ADAMTS2: variants seen among roughly 807,000 people sequenced by gnomAD.
ADAMTS2 encodes the protein A disintegrin and metalloproteinase with thrombospondin motifs 2.
Under a neutral mutation model 123.0 loss-of-function variants are expected in ADAMTS2, and 50 were observed. The ratio of observed to expected loss-of-function variants is 0.41; its 90% CI spans 0.32 to 0.51. ADAMTS2 has a LOEUF of 0.51. Ranked by LOEUF, ADAMTS2 falls within the 20% of genes least tolerant of loss-of-function variation. The pLI, the probability that ADAMTS2 is intolerant of heterozygous loss-of-function variation, is 0.35. For synonymous variants in ADAMTS2, 678 were observed against 695.4 expected (o/e 0.98, Z 0.39); for missense variants, 1,494 against 1,705.2 (o/e 0.88, Z 2.18).
At chr5:179,212,054 G>A (rs1314920983) in intron 3 of ADAMTS2, among the ~76,000 whole-genome samples, 1 of 152,218 alleles carries the variant, frequency 6.6e-6, no homozygotes, top group Non-Finnish European at 1.5e-5. Flanking sequence ...GAGCCCTTCT[G>A]TACTTCACCA....
intron 2 of ADAMTS2, among the ~76,000 whole-genome samples, chr5:179,319,722 C>G (rs1757103317): frequency 6.7e-6 from 1 of 150,000 alleles, no homozygotes; most frequent in Non-Finnish European, 1.5e-5. Flanking sequence ...AGAAGCCTCT[C>G]CCCTCTGTTG....
chr5:179,329,160 T>C (rs1035302083), intron 2 of ADAMTS2, among the ~76,000 whole-genome samples: 12 of 152,050 alleles, frequency 7.9e-5, no homozygotes, highest in South Asian at 4.2e-4. Context: ...ACCCCGTCTC[T>C]ACTAAAAATA....
chr5:179,148,845 G>A (rs574196977), intron 10 of ADAMTS2, among the ~76,000 whole-genome samples: 1 of 152,302 alleles, frequency 6.6e-6, no homozygotes, highest in African/African-American at 2.4e-5. Flanking sequence ...CCTCCCAGAC[G>A]GAGGGGGGTA....
At chr5:179,304,194 C>A (rs553329140) in intron 2 of ADAMTS2, among the ~76,000 whole-genome samples, 1 of 152,236 alleles carries the variant, frequency 6.6e-6, no homozygotes, top group African/African-American at 2.4e-5. Context: ...CCCAATTAAC[C>A]CAAGGGTTAA....
At chr5:179,338,615 C>T (rs944724431) in intron 2 of ADAMTS2, among the ~76,000 whole-genome samples, 10 of 152,272 alleles carry the variant, frequency 6.6e-5, no homozygotes, top group East Asian at 1.9e-4. Context: ...GCAGAGCAGG[C>T]GACTCAGGCC....
chr5:179,196,725 G>T (rs1764441114), intron 4 of ADAMTS2, among the ~76,000 whole-genome samples: 1 of 152,204 alleles, frequency 6.6e-6, no homozygotes, highest in Non-Finnish European at 1.5e-5. Flanking sequence ...CAGGCACTAA[G>T]CAAGTACATT....
At position 179,130,140 on chromosome 5, in the gene ADAMTS2, G is replaced by C. The variant is rs1410532622; in HGVS notation, c.2291-42C>G. ...CAAGTCCCCCGTTGTGGTCACCCAA[G>C]AGCAGGACCCAGGCCCACTGGTTTG... On this transcript the variant is annotated intron_variant, in intron 15 of 21. Coordinates refer to ENST00000251582, the MANE Select transcript of ADAMTS2 (RefSeq NM_014244.5). The surrounding 1 kb of genome is among the most constrained non-coding windows in gnomAD (Gnocchi z 4.3). 1.2e-6 allele frequency: 2 copies of C among 1,612,886 alleles called. No individual in the cohort carries two copies. The highest frequency in any genetic ancestry group is 3.3e-5 in the Admixed American group (2 of 59,964).
intron 4 of ADAMTS2, 34 bp downstream of exon 4, chr5:179,207,479 C>G: frequency 3.4e-6 from 3 of 873,214 alleles, no homozygotes; most frequent in Non-Finnish European, 5.7e-6. Flanking sequence ...TGACCCTCCC[C>G]GCCCCACCCT....
Position 179,132,636 on chromosome 5 carries a change from C to T in ADAMTS2, c.2209+141G>A, listed in dbSNP as rs576653538. On this transcript the variant is annotated intron_variant, in intron 14 of 21. Coordinates refer to ENST00000251582, the MANE Select transcript of ADAMTS2 (RefSeq NM_014244.5). This position sits in a 1 kb window ranked among gnomAD's most constrained non-coding sequence, Gnocchi z 6.1. Reference sequence around the variant, plus strand: ...TCCCCGACTTAGGATTCTCCCTCCCCCTCAGTGTCACAGACCTCTCCCCCT... The same window carrying T: ...TCCCCGACTTAGGATTCTCCCTCCCTCTCAGTGTCACAGACCTCTCCCCCT... 14 of 1,244,884 alleles carry T rather than the reference C, an allele frequency of 1.1e-5. No homozygotes were observed. The African/African-American group carries it at 1.3e-4, about 12-fold the overall frequency. 77.1% of individuals were successfully genotyped at this position (1,244,884 alleles called of 1,614,324 possible).
intron 2 of ADAMTS2, among the ~76,000 whole-genome samples, chr5:179,334,841 C>A (rs1757571759): frequency 6.6e-6 from 1 of 152,040 alleles, no homozygotes; most frequent in Non-Finnish European, 1.5e-5. Flanking sequence ...GAAAAAAAAT[C>A]CTTGAAATAA....
chr5:179,256,282 A>T lies in ADAMTS2; in HGVS notation c.688+16629T>A, dbSNP rs1159701460. Among the ~76,000 whole-genome samples the T allele has an allele frequency of 1.3e-5, 2 of 152,150 alleles. No homozygotes were observed. The highest frequency in any genetic ancestry group is 2.9e-5 in the Non-Finnish European group (2 of 68,028). On this transcript the variant is annotated intron_variant, in intron 3 of 21. Transcript: ENST00000251582. The surrounding 1 kb of genome is among the most constrained non-coding windows in gnomAD (Gnocchi z 4.1). ...CCGCCCCTGGGGACACGGGTGCCCA[A>T]CAGGAAAGAGGACGGGGGCTTATTA... is the stretch of plus-strand genomic sequence containing the variant.
At chr5:179,288,125 C>G (rs566914642) in intron 2 of ADAMTS2, among the ~76,000 whole-genome samples, 1 of 152,222 alleles carries the variant, frequency 6.6e-6, no homozygotes, top group Non-Finnish European at 1.5e-5. Context: ...GTCATCTCCC[C>G]GGGTCCCTGG....
chr5:179,125,960 T>C, intron 18 of ADAMTS2, 38 bp downstream of exon 18: 2 of 1,612,668 alleles, frequency 1.2e-6, no homozygotes, highest in Non-Finnish European at 1.7e-6. Context: ...GCCCCTGGCC[T>C]GTCTCCTCTA....
rs1477322271 is a variant in ADAMTS2, at chr5:179,234,917, C to T, written c.689-27202G>A. Among the ~76,000 whole-genome samples the T allele has an allele frequency of 2.0e-5, 3 of 152,230 alleles. No individual in the cohort carries two copies. Among genetic ancestry groups the T allele is most frequent in the African/African-American group, 7.2e-5 (3 of 41,454 alleles). ...GCAGACCCGTGCGGGAGTGCGAGCA[C>T]ACTGGCTAGGGCCTCCTGATGGGCC... On this transcript the variant is annotated intron_variant, in intron 3 of 21. Transcript: ENST00000251582. This position sits in a 1 kb window ranked among gnomAD's most constrained non-coding sequence, Gnocchi z 4.7.
intron 2 of ADAMTS2, among the ~76,000 whole-genome samples, chr5:179,292,493 G>A (rs372046622): frequency 2.0e-5 from 3 of 152,022 alleles, no homozygotes; most frequent in East Asian, 3.9e-4. Context: ...TCTCCTCCCC[G>A]TCCCCTAAAT....
chr5:179,229,638 C>A (rs567861394), intron 3 of ADAMTS2, among the ~76,000 whole-genome samples: 9 of 152,180 alleles, frequency 5.9e-5, no homozygotes, highest in Non-Finnish European at 1.2e-4. Context: ...GGCCCAGCCC[C>A]GCAGGAAGCC....
At chr5:179,137,326 C>T (rs978012219) in intron 12 of ADAMTS2, among the ~76,000 whole-genome samples, 1 of 152,272 alleles carries the variant, frequency 6.6e-6, no homozygotes, top group Non-Finnish European at 1.5e-5. Flanking sequence ...CAATAAATGC[C>T]TTCTAGTGCT....
At chr5:179,203,376 T>G (rs184095897) in intron 4 of ADAMTS2, among the ~76,000 whole-genome samples, 3 of 152,304 alleles carry the variant, frequency 2.0e-5, no homozygotes, top group East Asian at 1.9e-4. Flanking sequence ...AACACCTCAC[T>G]GGGAGCCCAG....
chr5:179,250,275 G>A (rs558396460), intron 3 of ADAMTS2, among the ~76,000 whole-genome samples: 1 of 152,234 alleles, frequency 6.6e-6, no homozygotes, highest in South Asian at 2.1e-4. Context: ...CTCACCACCT[G>A]TATTCAACAT....
Sources: allele counts gnomAD v4.1 joint callset (sites outside exome capture counted in the v4.1 genomes callset), GRCh38; gene constraint gnomAD v4.1.1; non-coding constraint Gnocchi (gnomAD v3.1); transcripts MANE v1.5; gene names NCBI Gene and HGNC (gene_info 2026-07-23, HGNC 2026-07-21).